Variants in NPHP1 observed in about 807,000 individuals in gnomAD.
NPHP1 encodes the protein nephrocystin 1, also known as nephrocystin-1.
NPHP1 carries 70 observed loss-of-function variants against 90.4 expected under a neutral mutation model. The observed-to-expected ratio is 0.77, with a 90% confidence interval of 0.64 to 0.95. The LOEUF (loss-of-function observed/expected upper bound fraction) is 0.95. NPHP1 is among the 40% of genes least tolerant of loss of function. The probability of loss-of-function intolerance (pLI) is 0.00; values close to 1 mark genes in which losing one functional copy is unlikely to be tolerated. For synonymous variants in NPHP1, 256 were observed against 271.7 expected (o/e 0.94, Z 0.57); for missense variants, 764 against 795.9 (o/e 0.96, Z 0.48).
intron 2 of NPHP1, among the ~76,000 whole-genome samples, chr2:110,196,994 T>C (rs115192511): frequency 0.013 from 2,029 of 152,128 alleles, 48 homozygotes; most frequent in African/African-American, 0.046. Flanking sequence ...ATGGTTACAG[T>C]TGGAAGTCAT....
Position 110,144,512 on chromosome 2 carries a change from G to A in NPHP1, c.1410C>T (p.Asp470=). The stretch of plus-strand genomic sequence containing the variant: ...CCATACCTCTTCTGGATATTGAAGG[G>A]TCCACTTCAATACCTTTTTCATAAG... ...GTPYEKGIEV[D]PSISRRAHGS... is the part of the protein sequence containing the mutation. Residue 470 remains aspartate, a synonymous_variant, in exon 15 of 20, where the codon GAC becomes GAT. Transcript: ENST00000445609. 6.2e-7 allele frequency: 1 copy of A among 1,605,476 alleles called. No individual in the cohort carries two copies. Among genetic ancestry groups the A allele is most frequent in the African/African-American group, 1.3e-5 (1 of 74,858 alleles).
chr2:110,193,627 G>T (rs1684919571), intron 2 of NPHP1, among the ~76,000 whole-genome samples: 1 of 152,096 alleles, frequency 6.6e-6, no homozygotes, highest in African/African-American at 2.4e-5. Flanking sequence ...GGATATCCAG[G>T]AATTGAACTC....
intron 4 of NPHP1, 51 bp downstream of exon 4, chr2:110,178,372 T>C (rs768596768): frequency 9.7e-6 from 15 of 1,552,076 alleles, no homozygotes; most frequent in African/African-American, 5.4e-5. Flanking sequence ...ATTAAAGCTA[T>C]TGGTGATATA....
chr2:110,160,313 T>A, intron 10 of NPHP1, 58 bp from the exon 11 acceptor site: 1 of 1,397,040 alleles, frequency 7.2e-7, no homozygotes, highest in Non-Finnish European at 1.0e-6. Flanking sequence ...CACAAATCTG[T>A]CTTTTGTGAA....
chr2:110,175,060 T>C (rs901586496), intron 4 of NPHP1, among the ~76,000 whole-genome samples: 1 of 152,120 alleles, frequency 6.6e-6, no homozygotes, highest in Non-Finnish European at 1.5e-5. Flanking sequence ...TGTTACTCAG[T>C]TGACAAAAAC....
intron 15 of NPHP1, chr2:110,144,005 G>A: frequency 3.0e-6 from 1 of 331,060 alleles, no homozygotes; most frequent in East Asian, 7.7e-5. Flanking sequence ...AGGGGTGGCT[G>A]AGGAGTGGAA....
chr2:110,170,440 A>G (rs905128637), intron 4 of NPHP1, among the ~76,000 whole-genome samples: 1 of 152,192 alleles, frequency 6.6e-6, no homozygotes, highest in African/African-American at 2.4e-5. Context: ...CCTGCCTTCT[A>G]AGATTGTCAT....
chr2:110,129,250 C>T lies in NPHP1; in HGVS notation c.1652G>A (p.Ser551Asn). Residue 551 changes from serine to asparagine, a missense_variant, in exon 18 of 20, where the codon AGC becomes AAC. Coordinates refer to ENST00000445609, the MANE Select transcript of NPHP1 (RefSeq NM_001128178.3). The part of the protein sequence containing the change: ...RMSLQSTDLI[S>N]HPMLATFPML... Reference sequence around the variant, plus strand: ...GGGGAAGGTGGCCAGCATGGGATGGCTAATTAAATCTGAAATGCAAAACAA... The same window carrying T: ...GGGGAAGGTGGCCAGCATGGGATGGTTAATTAAATCTGAAATGCAAAACAA... 1.2e-6 allele frequency: 2 copies of T among 1,612,666 alleles called. No individual in the cohort carries two copies. Among genetic ancestry groups the T allele is most frequent in the Middle Eastern group, 1.6e-4 (1 of 6,062 alleles).
intron 11 of NPHP1, among the ~76,000 whole-genome samples, chr2:110,151,497 T>G (rs1317886439): frequency 6.6e-6 from 1 of 152,146 alleles, no homozygotes; most frequent in Non-Finnish European, 1.5e-5. Flanking sequence ...AATATTTTAT[T>G]ATAACACTTC....
At chr2:110,167,015 A>G (rs554338707) in intron 6 of NPHP1, among the ~76,000 whole-genome samples, 30 of 152,290 alleles carry the variant, frequency 2.0e-4, no homozygotes, top group African/African-American at 7.0e-4. Flanking sequence ...ATATTTTTAA[A>G]TATTGATATG....
chr2:110,178,169 T>C, intron 4 of NPHP1: 1 of 518,044 alleles, frequency 1.9e-6, no homozygotes, highest in East Asian at 3.0e-5. Flanking sequence ...CATTTGTTCA[T>C]TTAGCTTTTC....
chr2:110,146,345 G>T (rs868632801), intron 14 of NPHP1, among the ~76,000 whole-genome samples: 1 of 152,092 alleles, frequency 6.6e-6, no homozygotes, highest in Middle Eastern at 3.4e-3. Context: ...CATTTACCGT[G>T]GTTGCCACTG....
chr2:110,151,095 G>A (rs1156245990), intron 11 of NPHP1, among the ~76,000 whole-genome samples: 1 of 145,772 alleles, frequency 6.9e-6, no homozygotes, highest in Non-Finnish European at 1.5e-5. Context: ...GAACCTGGGA[G>A]ACAGAGGTTG....
chr2:110,164,561 T>C (rs1559075916), intron 8 of NPHP1, 127 bp downstream of exon 8: 4 of 1,594,490 alleles, frequency 2.5e-6, no homozygotes, highest in Non-Finnish European at 3.4e-6. Flanking sequence ...CGTCCTCTGC[T>C]CTGTACATTC....
chr2:110,124,383 G>T, intron 19 of NPHP1: 1 of 417,722 alleles, frequency 2.4e-6, no homozygotes, highest in Non-Finnish European at 4.5e-6. Flanking sequence ...TGACACCAGT[G>T]TGGTTAGGGG....
rs754169705 is a variant in NPHP1, at chr2:110,123,974, G to A, written c.1851C>T (p.Phe617=). 4 of 1,614,106 alleles carry A rather than the reference G, an allele frequency of 2.5e-6. No homozygotes were observed. Among genetic ancestry groups the A allele is most frequent in the East Asian group, 2.2e-5 (1 of 44,890 alleles). Residue 617 remains phenylalanine (F), a synonymous_variant, in exon 20 of 20, where the codon TTC becomes TTT. Coordinates refer to ENST00000445609, the MANE Select transcript of NPHP1 (RefSeq NM_001128178.3). ...TCTCAGTCTCTTCTTCTGCCCACCT[G>A]AATGGGGGTAGGCGTGTGGAGTGGA... is the stretch of plus-strand genomic sequence containing the variant. ...PLLHSTRLPP[F]RWAEEETETA...
In NPHP1 at chr2:110,165,231, C is replaced by G; in HGVS notation, c.625-76G>C. 3 of 1,093,860 alleles carry G rather than the reference C, an allele frequency of 2.7e-6. No individual in the cohort carries two copies. In the East Asian group the frequency reaches 7.1e-5, roughly 26 times the overall value. 67.8% of individuals were successfully genotyped at this position (1,093,860 alleles called of 1,614,324 possible). On this transcript the variant is annotated intron_variant, in intron 6 of 19. Coordinates refer to ENST00000445609, the MANE Select transcript of NPHP1 (RefSeq NM_001128178.3). ...CCAATAAAAATACCAGTACTGCCAC[C>G]TAACCCTCCAGTAAAAACAAAAACA...
chr2:110,200,369 GC>G (rs1685489937), intron 2 of NPHP1, among the ~76,000 whole-genome samples: 1 of 152,102 alleles, frequency 6.6e-6, no homozygotes, highest in Admixed American at 6.6e-5. Flanking sequence ...TTCGAAACCA[GC>G]CTGGCCAACG....
rs574940851 is a variant in NPHP1, at chr2:110,174,535, C to T, written c.329+3888G>A. On this transcript the variant is annotated intron_variant, in intron 4 of 19. Transcript: ENST00000445609. The stretch of plus-strand genomic sequence containing the variant: ...TTTGTGCTATGCTGTGCTATTGTCA[C>T]ATTTTCCTTCTACATATAGTCAGTC... Among the ~76,000 whole-genome samples the T allele has an allele frequency of 1.7e-4, 26 of 152,274 alleles. No individual in the cohort carries two copies. The South Asian group carries it at 5.4e-3, about 32-fold the overall frequency.
Sources: gnomAD v4.1 joint callset for allele counts (sites outside exome capture counted in the v4.1 genomes callset) on GRCh38, gnomAD v4.1.1 for gene constraint, MANE v1.5 for transcripts, NCBI Gene and HGNC (gene_info 2026-07-23, HGNC 2026-07-21) for gene names.